Variants in COL9A2 observed in about 807,000 individuals in gnomAD.
The protein encoded by COL9A2 is collagen alpha-2(IX) chain.
In COL9A2, 66 loss-of-function variants were observed where a neutral mutation model predicts 111.6. That is an observed-to-expected ratio of 0.59 (90% CI 0.48 to 0.73). COL9A2 has a LOEUF of 0.73. COL9A2 is among the 30% of genes least tolerant of loss of function. COL9A2 has a pLI of 0.00. For synonymous variants in COL9A2, 353 were observed against 364.1 expected (o/e 0.97, Z 0.35); for missense variants, 881 against 954.1 (o/e 0.92, Z 1.01).
rs1644229456 is a variant in COL9A2, at chr1:40,316,981, G to A, written c.75+142C>T. On this transcript the variant is annotated intron_variant, in intron 1 of 31. Transcript: ENST00000372748. This position sits in a 1 kb window ranked among gnomAD's most constrained non-coding sequence, Gnocchi z 5.5. ...TGGGCACCATGTATGCACCCACCGA[G>A]GGGACCTGCCCGCGGCGCTGTCCTC... 4 of 811,980 alleles carry A rather than the reference G, an allele frequency of 4.9e-6. No homozygotes were observed. The highest frequency in any genetic ancestry group is 4.0e-5 in the Admixed American group (2 of 49,956). The allele number at this position is 811,980 out of a possible 1,614,324, so 50.3% of individuals were successfully genotyped here. A position where few individuals can be genotyped will look rare whatever the true frequency, so the allele number is the denominator to read the frequency against.
chr1:40,302,570 G>A lies in COL9A2; in HGVS notation c.1792+51C>T. 1 of 1,550,830 alleles carries A rather than the reference G, an allele frequency of 6.4e-7. No homozygotes were observed. ...AAGGGAATGGGGAAAGGGCCGGCCT[G>A]GACAAATCCTCACTGCCTGGCCCCC... is the stretch of plus-strand genomic sequence containing the variant. On this transcript the variant is annotated intron_variant, in intron 30 of 31. Coordinates refer to ENST00000372748, the MANE Select transcript of COL9A2 (RefSeq NM_001852.4). This position sits in a 1 kb window ranked among gnomAD's most constrained non-coding sequence, Gnocchi z 4.5.
In COL9A2 at chr1:40,305,718, T is replaced by C; in HGVS notation, c.1104A>G (p.Lys368=). The C allele has an allele frequency of 6.2e-7, 1 of 1,614,012 alleles. No homozygotes were observed. Residue 368 remains lysine (K), a synonymous_variant, in exon 21 of 32, where the codon AAA becomes AAG. Transcript: ENST00000372748. ...GLPGFSGPPG[K]EGEPGPRGEI... ...TGTCAGTGCAGGGGGCATTTACCTC[T>C]TTCCCAGGGGGACCAGAGAATCCAG...
chr1:40,310,975 G>A lies in COL9A2; in HGVS notation c.630+118C>T. ...CTGGAGCACAGGCCTCCAGCCCCCG[G>A]CTCAAGGCTCTGTCCCCAGAACCCA... On this transcript the variant is annotated intron_variant, in intron 12 of 31. Coordinates refer to ENST00000372748, the MANE Select transcript of COL9A2 (RefSeq NM_001852.4). The surrounding 1 kb of genome is among the most constrained non-coding windows in gnomAD (Gnocchi z 4.9). 7.1e-7 allele frequency: 1 copy of A among 1,402,116 alleles called. No homozygotes were observed. The highest frequency in any genetic ancestry group is 1.0e-6 in the Non-Finnish European group (1 of 991,586). The allele number at this position is 1,402,116 out of a possible 1,614,324, so 86.9% of individuals were successfully genotyped here.
Position 40,312,866 on chromosome 1 carries a change from C to G in COL9A2, c.250-82G>C. The G allele has an allele frequency of 7.7e-7, 1 of 1,293,810 alleles. No homozygotes were observed. The highest frequency in any genetic ancestry group is 2.5e-5 in the East Asian group (1 of 39,666). The allele number at this position is 1,293,810 out of a possible 1,614,324, so 80.1% of individuals were successfully genotyped here. A position where few individuals can be genotyped will look rare whatever the true frequency, so the allele number is the denominator to read the frequency against. On this transcript the variant is annotated intron_variant, in intron 4 of 31. Coordinates refer to ENST00000372748, the MANE Select transcript of COL9A2 (RefSeq NM_001852.4). The surrounding 1 kb of genome is among the most constrained non-coding windows in gnomAD (Gnocchi z 6.0). The stretch of plus-strand genomic sequence containing the variant: ...GAGCAGGGCAGGTTCAAGGGTCCCT[C>G]CTGGGTGGGCCGAGGCTCCTTTTTG...
At position 40,303,689 on chromosome 1, in the gene COL9A2, G is replaced by A; in HGVS notation, c.1402-13C>T. The A allele has an allele frequency of 6.4e-7, 1 of 1,552,728 alleles. No individual in the cohort carries two copies. The highest frequency in any genetic ancestry group is 8.7e-7 in the Non-Finnish European group (1 of 1,148,434). ...CACGTACTCCTTGCTGCGGGGGGATGGGGGTGGGAGCAGAGCCGGGTGAGA... is the reference window on the plus strand; with the variant it reads ...CACGTACTCCTTGCTGCGGGGGGATAGGGGTGGGAGCAGAGCCGGGTGAGA... On this transcript the variant is annotated splice_polypyrimidine_tract_variant and intron_variant, in intron 27 of 31. Transcript: ENST00000372748. This position sits in a 1 kb window ranked among gnomAD's most constrained non-coding sequence, Gnocchi z 4.6.
chr1:40,311,927 G>A lies in COL9A2; in HGVS notation c.417+132C>T. The A allele has an allele frequency of 9.0e-7, 1 of 1,111,864 alleles. No individual in the cohort carries two copies. Among genetic ancestry groups the A allele is most frequent in the South Asian group, 1.3e-5 (1 of 74,656 alleles). The allele number at this position is 1,111,864 out of a possible 1,614,324, so 68.9% of individuals were successfully genotyped here. On this transcript the variant is annotated intron_variant, in intron 8 of 31. Transcript: ENST00000372748. The surrounding 1 kb of genome is among the most constrained non-coding windows in gnomAD (Gnocchi z 5.1). ...AGTGCCGGGTGGGCTCATAGGAGGGGTTTCTGCCCCAGACCTGGAGGAGTT... is the reference window on the plus strand; with the variant it reads ...AGTGCCGGGTGGGCTCATAGGAGGGATTTCTGCCCCAGACCTGGAGGAGTT...
chr1:40,301,796 AG>A lies in COL9A2; in HGVS notation c.1870+15del, dbSNP rs770501503. 8.1e-6 allele frequency: 13 copies of A among 1,613,148 alleles called. No homozygotes were observed. In the African/African-American group the frequency reaches 1.6e-4, roughly 20 times the overall value. The stretch of plus-strand genomic sequence containing the variant: ...GCTGAGGAACACACTGCAGCTGGGC[AG>A]GGCCAATGGCTTACCTGGGATCCCT... On this transcript the variant is annotated intron_variant, in intron 31 of 31. Transcript: ENST00000372748.
rs1177468422 is a variant in COL9A2, at chr1:40,311,396, G to C, written c.519+104C>G. 1 of 1,573,206 alleles carries C rather than the reference G, an allele frequency of 6.4e-7. No homozygotes were observed. Among genetic ancestry groups the C allele is most frequent in the Non-Finnish European group, 8.7e-7 (1 of 1,153,262 alleles). On this transcript the variant is annotated intron_variant, in intron 10 of 31. Transcript: ENST00000372748. The surrounding 1 kb of genome is among the most constrained non-coding windows in gnomAD (Gnocchi z 5.1). The stretch of plus-strand genomic sequence containing the variant: ...CACCTGGTGGAACCCCTGCACTGCA[G>C]CCCCTCCCCATCTCTCCAGACACCC...
chr1:40,306,142 C>T lies in COL9A2; in HGVS notation c.1053+1G>A, dbSNP rs1064797109. The T allele has an allele frequency of 6.2e-7, 1 of 1,614,220 alleles. No homozygotes were observed. The highest frequency in any genetic ancestry group is 8.5e-7 in the Non-Finnish European group (1 of 1,180,038). On this transcript the variant is annotated splice_donor_variant, in intron 20 of 31. Transcript: ENST00000372748. LOFTEE classifies it high-confidence loss of function. Reference sequence around the variant, plus strand: ...CTGTCCCCAGCTTGGGATCGCCTCACCTGGTCTCCAGGGCCTCCTTTTGTC... The same window carrying T: ...CTGTCCCCAGCTTGGGATCGCCTCATCTGGTCTCCAGGGCCTCCTTTTGTC...
At chr1:40,315,490 T>A in intron 2 of COL9A2, 100 bp downstream of exon 2, 1 of 1,476,362 alleles carries the variant, frequency 6.8e-7, no homozygotes, top group East Asian at 2.6e-5. Context: ...GGGCACTACA[T>A]CTCCGGGCAC....
At chr1:40,315,785 G>A (rs1644209919) in intron 1 of COL9A2, 121 bp from the exon 2 acceptor site, 6 of 644,516 alleles carry the variant, frequency 9.3e-6, no homozygotes, top group East Asian at 2.8e-5. Flanking sequence ...GAACTCCCAC[G>A]TATTGAGAAT....
In COL9A2 at chr1:40,310,773, G is replaced by A. The variant is rs766836551; in HGVS notation, c.631-6C>T. On this transcript the variant is annotated splice_polypyrimidine_tract_variant and splice_region_variant and intron_variant, in intron 12 of 31. Coordinates refer to ENST00000372748, the MANE Select transcript of COL9A2 (RefSeq NM_001852.4). This position sits in a 1 kb window ranked among gnomAD's most constrained non-coding sequence, Gnocchi z 4.9. ...CCCACATCTCCCTTGGGACCCTAAAGGGCAGGGATGAGCTGTCAGACAGGC... is the reference window on the plus strand; with the variant it reads ...CCCACATCTCCCTTGGGACCCTAAAAGGCAGGGATGAGCTGTCAGACAGGC... 2.3e-5 allele frequency: 36 copies of A among 1,559,996 alleles called. No individual in the cohort carries two copies. The highest frequency in any genetic ancestry group is 3.0e-5 in the Non-Finnish European group (35 of 1,151,358).
Position 40,308,600 on chromosome 1 carries a change from GAA to G in COL9A2, c.847-357_847-356del, listed in dbSNP as rs372493953. 5.6e-4 allele frequency among the ~76,000 whole-genome samples: 86 copies of G among 152,352 alleles called. 1 individual carries two copies. In the East Asian group the frequency reaches 0.016, roughly 28 times the overall value. ...GAGTCTTGATTTGAACAAGAACCAG[GAA>G]AAGACATTTTTGAGATAATTGGGAA... is the stretch of plus-strand genomic sequence containing the variant. On this transcript the variant is annotated intron_variant, in intron 16 of 31. Coordinates refer to ENST00000372748, the MANE Select transcript of COL9A2 (RefSeq NM_001852.4).
Position 40,312,185 on chromosome 1 carries a change from C to T in COL9A2, c.364-73G>A, listed in dbSNP as rs1644141044. The T allele has an allele frequency of 7.7e-7, 1 of 1,306,872 alleles. No homozygotes were observed. 81.0% of individuals were successfully genotyped at this position (1,306,872 alleles called of 1,614,324 possible). The stretch of plus-strand genomic sequence containing the variant: ...CCCTGGGCACAAAGGTAGAGACAGG[C>T]ACCCAAAGCCCGTTTCTCCACTTTT... On this transcript the variant is annotated intron_variant, in intron 7 of 31. Coordinates refer to ENST00000372748, the MANE Select transcript of COL9A2 (RefSeq NM_001852.4). The surrounding 1 kb of genome is among the most constrained non-coding windows in gnomAD (Gnocchi z 6.0).
rs1406494760 is a variant in COL9A2, at chr1:40,316,998, G to T, written c.75+125C>A. The stretch of plus-strand genomic sequence containing the variant: ...CCCACCGAGGGGACCTGCCCGCGGC[G>T]CTGTCCTCAGGTGGCCTCTCGGGCT... On this transcript the variant is annotated intron_variant, in intron 1 of 31. Transcript: ENST00000372748. This position sits in a 1 kb window ranked among gnomAD's most constrained non-coding sequence, Gnocchi z 5.5. 3 of 941,372 alleles carry T rather than the reference G, an allele frequency of 3.2e-6. No individual in the cohort carries two copies. The highest frequency in any genetic ancestry group is 5.1e-6 in the Non-Finnish European group (3 of 592,646). 58.3% of individuals were successfully genotyped at this position (941,372 alleles called of 1,614,324 possible).
chr1:40,310,402 G>T lies in COL9A2; in HGVS notation c.685-85C>A. The T allele has an allele frequency of 2.2e-6, 3 of 1,387,416 alleles. No homozygotes were observed. The highest frequency in any genetic ancestry group is 2.0e-6 in the Non-Finnish European group (2 of 978,580). 85.9% of individuals were successfully genotyped at this position (1,387,416 alleles called of 1,614,324 possible). On this transcript the variant is annotated intron_variant, in intron 13 of 31. Coordinates refer to ENST00000372748, the MANE Select transcript of COL9A2 (RefSeq NM_001852.4). This position sits in a 1 kb window ranked among gnomAD's most constrained non-coding sequence, Gnocchi z 4.9. ...TCTGATGCCCACCTTCAATCTTACAGTGCCCTTTTGAGGTAGGCAGCAGAG... is the reference window on the plus strand; with the variant it reads ...TCTGATGCCCACCTTCAATCTTACATTGCCCTTTTGAGGTAGGCAGCAGAG...
rs563257155 is a variant in COL9A2 at position 40,311,275 on chromosome 1, G to A, written c.531C>T (p.Asn177=). Residue 177 remains asparagine (N), a synonymous_variant, in exon 11 of 32, where the codon AAC becomes AAT. Transcript: ENST00000372748. The surrounding 1 kb of genome is among the most constrained non-coding windows in gnomAD (Gnocchi z 5.1). ...GGGGACCTTTCATTCCGGGTGGACAGTTGGTTGGACACTGGAAACAGAAAA... is the reference window on the plus strand; with the variant it reads ...GGGGACCTTTCATTCCGGGTGGACAATTGGTTGGACACTGGAAACAGAAAA... ...EGSADFLCPT[N]CPPGMKGPPG... 19 of 1,614,102 alleles carry A rather than the reference G, an allele frequency of 1.2e-5. No individual in the cohort carries two copies. The South Asian group carries it at 2.1e-4, about 18-fold the overall frequency.
Position 40,311,254 on chromosome 1 carries a change from AC to A in COL9A2, c.551del (p.Gly184ValfsTer8). On this transcript the variant is annotated frameshift_variant, in exon 11 of 32. Coordinates refer to ENST00000372748, the MANE Select transcript of COL9A2 (RefSeq NM_001852.4). LOFTEE classifies it high-confidence loss of function. The surrounding 1 kb of genome is among the most constrained non-coding windows in gnomAD (Gnocchi z 5.1). ...CPTNCPPGMK[G>X]PPGLQGVKGH... is the part of the protein sequence containing the mutation. ...CCTTCACTCCCTGCAGCCCTGGGGG[AC>A]CTTTCATTCCGGGTGGACAGTTGGT... is the stretch of plus-strand genomic sequence containing the variant. 1 of 1,613,856 alleles carries A rather than the reference AC, an allele frequency of 6.2e-7. No homozygotes were observed. Among genetic ancestry groups the A allele is most frequent in the Non-Finnish European group, 8.5e-7 (1 of 1,179,958 alleles).
rs753433828 is a variant in COL9A2 at position 40,303,347 on chromosome 1, C to T, written c.1549-162G>A. 6.6e-6 allele frequency among the ~76,000 whole-genome samples: 1 copy of T among 152,138 alleles called. No individual in the cohort carries two copies. The highest frequency in any genetic ancestry group is 2.1e-4 in the South Asian group (1 of 4,836). On this transcript the variant is annotated intron_variant, in intron 28 of 31. Coordinates refer to ENST00000372748, the MANE Select transcript of COL9A2 (RefSeq NM_001852.4). This position sits in a 1 kb window ranked among gnomAD's most constrained non-coding sequence, Gnocchi z 4.6. ...GTACCTGGGCAGGGCCAAGGGCTTA[C>T]TTGGGAAGGTCGCGGGGTAATCCCT...
Sources: gnomAD v4.1 joint callset for allele counts (sites outside exome capture counted in the v4.1 genomes callset) on GRCh38, gnomAD v4.1.1 for gene constraint, Gnocchi (gnomAD v3.1) non-coding constraint, MANE v1.5 for transcripts, NCBI Gene and HGNC (gene_info 2026-07-23, HGNC 2026-07-21) for gene names.